Variants in KIF6 observed in about 807,000 individuals in gnomAD.
KIF6 encodes the protein kinesin-like protein KIF6.
In KIF6, 106 loss-of-function variants were observed where a neutral mutation model predicts 112.7. The ratio of observed to expected loss-of-function variants is 0.94; its 90% CI spans 0.80 to 1.11. The LOEUF (loss-of-function observed/expected upper bound fraction) is 1.11. KIF6 is among the 50% of genes least tolerant of loss of function. KIF6 has a pLI of 0.00. For synonymous variants in KIF6, 339 were observed against 339.9 expected, an observed-to-expected ratio of 1.00 and a Z score of 0.03; for missense variants, 929 against 964.0, an observed-to-expected ratio of 0.96 and a Z score of 0.48.
chr6:39,533,037 T>C (rs1582067348), intron 13 of KIF6, among the ~76,000 whole-genome samples: 1 of 152,212 alleles, frequency 6.6e-6, no homozygotes, highest in Non-Finnish European at 1.5e-5. Flanking sequence ...GCAGCCAAGA[T>C]GGCTGAATAG....
chr6:39,478,140 A>G (rs1774553653), intron 13 of KIF6, among the ~76,000 whole-genome samples: 1 of 152,136 alleles, frequency 6.6e-6, no homozygotes. Flanking sequence ...TGGCACACCC[A>G]TCACCCTAGC....
chr6:39,597,040 G>C (rs761293354), intron 6 of KIF6, among the ~76,000 whole-genome samples: 2 of 152,074 alleles, frequency 1.3e-5, no homozygotes, highest in Non-Finnish European at 2.9e-5. Flanking sequence ...AAAATGGTAA[G>C]ATAATATTAA....
chr6:39,497,046 G>A (rs916424684), intron 13 of KIF6, among the ~76,000 whole-genome samples: 4 of 152,236 alleles, frequency 2.6e-5, no homozygotes, highest in Non-Finnish European at 5.9e-5. Context: ...TTCAGTGCAG[G>A]AGCCGTGTGG....
Position 39,407,873 on chromosome 6 carries a change from C to A in KIF6, c.1810+12075G>T, listed in dbSNP as rs182636051. On this transcript the variant is annotated intron_variant, in intron 15 of 22. Transcript: ENST00000287152. ...GTTACTTTAAATATCTTCCTTGGGC[C>A]AGTGCTATAGTGAGGTAGAGTCAGT... 2.4e-3 allele frequency among the ~76,000 whole-genome samples: 365 copies of A among 152,054 alleles called. 3 individuals carry two copies. The highest frequency in any genetic ancestry group is 8.2e-3 in the African/African-American group (342 of 41,462).
At chr6:39,720,130 G>C (rs189041565) in intron 2 of KIF6, among the ~76,000 whole-genome samples, 57 of 152,238 alleles carry the variant, frequency 3.7e-4, no homozygotes, top group African/African-American at 1.3e-3. Context: ...AAAATGTCTT[G>C]AGATATTTTA....
At chr6:39,690,558 G>C (rs1287032279) in intron 3 of KIF6, 1 of 152,336 alleles carries the variant, frequency 6.6e-6, no homozygotes, top group East Asian at 2.0e-4. Context: ...GTAGGGAACA[G>C]ACAAGCAGGG....
chr6:39,377,600 C>T (rs114861260), intron 16 of KIF6, among the ~76,000 whole-genome samples: 88 of 152,312 alleles, frequency 5.8e-4, no homozygotes, highest in African/African-American at 2.0e-3. Context: ...GTGGCATCAA[C>T]AGCCGAGGCC....
At chr6:39,444,255 T>C (rs1165716445) in intron 13 of KIF6, among the ~76,000 whole-genome samples, 4 of 152,184 alleles carry the variant, frequency 2.6e-5, no homozygotes, top group Non-Finnish European at 5.9e-5. Flanking sequence ...TTTTCTTTTT[T>C]TGGAAATGGA....
chr6:39,475,655 A>C (rs1203296966), intron 13 of KIF6, among the ~76,000 whole-genome samples: 1 of 152,168 alleles, frequency 6.6e-6, no homozygotes, highest in Non-Finnish European at 1.5e-5. Context: ...ACTCAGTCCC[A>C]GGCTTCATGT....
intron 10 of KIF6, among the ~76,000 whole-genome samples, chr6:39,558,619 T>C (rs1779846474): frequency 6.6e-6 from 1 of 152,144 alleles, no homozygotes; most frequent in Non-Finnish European, 1.5e-5. Flanking sequence ...GCAAGGAACA[T>C]TAACACTGAG....
Position 39,334,979 on chromosome 6 carries a change from A to G in KIF6, c.*1553T>C, listed in dbSNP as rs1762861293. On this transcript the variant is annotated 3_prime_UTR_variant, in exon 23 of 23. Transcript: ENST00000287152. ...ATTCAGTCAGAGCCTGGGGGAAGTC[A>G]GAGTGACACCAGCCTGAGAAACACA... 6.6e-6 allele frequency: 1 copy of G among 152,220 alleles called. No homozygotes were observed. The highest frequency in any genetic ancestry group is 2.1e-4 in the South Asian group (1 of 4,828). The allele number at this position is 152,220 out of a possible 1,614,324, so 9.4% of individuals were successfully genotyped here. A position where few individuals can be genotyped will look rare whatever the true frequency, so the allele number is the denominator to read the frequency against.
At chr6:39,371,712 G>A (rs1005993468) in intron 16 of KIF6, among the ~76,000 whole-genome samples, 2 of 152,082 alleles carry the variant, frequency 1.3e-5, no homozygotes, top group African/African-American at 2.4e-5. Context: ...TCTTCACAAC[G>A]TCTCATCTGA....
At position 39,639,362 on chromosome 6, in the gene KIF6, C is replaced by A. The variant is rs148175396; in HGVS notation, c.399+248G>T. 2.4e-3 allele frequency among the ~76,000 whole-genome samples: 362 copies of A among 152,130 alleles called. 1 individual carries two copies. Among genetic ancestry groups the A allele is most frequent in the Non-Finnish European group, 4.4e-3 (296 of 67,960 alleles). ...GTTGTCTGCTCTTTCAACCTTCGTGCGTATATCAGAAGGAAATGTCCTTGA... is the reference window on the plus strand; with the variant it reads ...GTTGTCTGCTCTTTCAACCTTCGTGAGTATATCAGAAGGAAATGTCCTTGA... On this transcript the variant is annotated intron_variant, in intron 4 of 22. Coordinates refer to ENST00000287152, the MANE Select transcript of KIF6 (RefSeq NM_145027.6).
At chr6:39,559,091 A>G (rs1520) in intron 10 of KIF6, among the ~76,000 whole-genome samples, 69,519 of 152,014 alleles carry the variant, frequency 0.46, 16,773 homozygotes, top group African/African-American at 0.6. Context: ...AATTTCATCT[A>G]TAGTGAATTA....
intron 13 of KIF6, 26 bp downstream of exon 13, chr6:39,539,977 A>G (rs767484571): frequency 1.8e-5 from 27 of 1,542,702 alleles, no homozygotes; most frequent in Non-Finnish European, 2.4e-5. Flanking sequence ...AGACAATGAG[A>G]AATACTGGAA....
chr6:39,538,358 AC>A (rs1778569180), intron 13 of KIF6, among the ~76,000 whole-genome samples: 1 of 152,028 alleles, frequency 6.6e-6, no homozygotes, highest in East Asian at 1.9e-4. Flanking sequence ...ATGAACTCAA[AC>A]AAATTTACAA....
intron 6 of KIF6, among the ~76,000 whole-genome samples, chr6:39,612,528 A>C (rs1052377489): frequency 6.6e-6 from 1 of 152,214 alleles, no homozygotes; most frequent in African/African-American, 2.4e-5. Context: ...TAGAATTCTC[A>C]GATAAAATAG....
At chr6:39,468,836 C>CT (rs1474766194) in intron 13 of KIF6, among the ~76,000 whole-genome samples, 2 of 151,096 alleles carry the variant, frequency 1.3e-5, no homozygotes, top group African/African-American at 2.4e-5. Context: ...TTGCATATTT[C>CT]TTTTTTAAAC....
chr6:39,596,278 A>G lies in KIF6; in HGVS notation c.640-18T>C, dbSNP rs775953722. 1.3e-6 allele frequency: 2 copies of G among 1,528,042 alleles called. No individual in the cohort carries two copies. The highest frequency in any genetic ancestry group is 1.8e-6 in the Non-Finnish European group (2 of 1,104,680). 94.7% of individuals were successfully genotyped at this position (1,528,042 alleles called of 1,614,324 possible). On this transcript the variant is annotated intron_variant, in intron 6 of 22. Coordinates refer to ENST00000287152, the MANE Select transcript of KIF6 (RefSeq NM_145027.6). ...ATAGGAGTCTATAAAAAAATTGCAA[A>G]ACAAAAATTATTTGAACAATGAAAA...
Sources: gnomAD v4.1 joint callset for allele counts (sites outside exome capture counted in the v4.1 genomes callset) on GRCh38, gnomAD v4.1.1 for gene constraint, MANE v1.5 for transcripts, NCBI Gene and HGNC (gene_info 2026-07-23, HGNC 2026-07-21) for gene names.